KANSL1: variants seen among roughly 807,000 people sequenced by gnomAD.
KANSL1 encodes the protein KAT8 regulatory NSL complex subunit 1.
A neutral mutation model predicts 103.6 loss-of-function variants in KANSL1; 22 were observed. That is an observed-to-expected ratio of 0.21 (90% CI 0.15 to 0.30). The LOEUF is 0.30. Among genes scored for constraint, KANSL1 ranks in the 10% least tolerant of loss-of-function variants. The probability of loss-of-function intolerance (pLI) is 1.00; values close to 1 mark genes in which losing one functional copy is unlikely to be tolerated. For synonymous variants in KANSL1, 600 were observed against 527.6 expected, an observed-to-expected ratio of 1.14 and a Z score of -1.88; for missense variants, 1,337 against 1,399.8, an observed-to-expected ratio of 0.96 and a Z score of 0.72.
chr17:46,063,770 T>C (rs2078263386), intron 6 of KANSL1, among the ~76,000 whole-genome samples: 1 of 152,054 alleles, frequency 6.6e-6, no homozygotes, highest in Non-Finnish European at 1.5e-5. Flanking sequence ...CTTCACATAT[T>C]AAAAAACAAA....
chr17:46,050,588 C>T lies in KANSL1; in HGVS notation c.1965G>A (p.Leu655=). 1 of 1,614,176 alleles carries T rather than the reference C, an allele frequency of 6.2e-7. No individual in the cohort carries two copies. Among genetic ancestry groups the T allele is most frequent in the East Asian group, 2.2e-5 (1 of 44,880 alleles). The change falls in exon 7 of 15, where the codon TTG becomes TTA. Residue 655 remains leucine, a synonymous_variant. Transcript: ENST00000432791. The part of the protein sequence containing the change: ...PPEIHYEAPL[L]ERLSQLDSCV... ...AAGAGTCCAACTGGGAAAGACGTTC[C>T]AACAGAGGGGCTTCATAGTGAATTT...
At chr17:46,184,688 C>T (rs1179219208) in intron 1 of KANSL1, among the ~76,000 whole-genome samples, 1 of 152,194 alleles carries the variant, frequency 6.6e-6, no homozygotes, top group Non-Finnish European at 1.5e-5. Context: ...AGGTTACATG[C>T]TCTTTCAAGT....
intron 2 of KANSL1, among the ~76,000 whole-genome samples, chr17:46,134,528 G>T (rs1007290297): frequency 6.6e-6 from 1 of 151,956 alleles, no homozygotes; most frequent in African/African-American, 2.4e-5. Context: ...ACGAACTATT[G>T]TTATATGAAT....
At chr17:46,037,941 G>C (rs942100799) in intron 10 of KANSL1, 4 of 152,314 alleles carry the variant, frequency 2.6e-5, no homozygotes, top group African/African-American at 9.7e-5. Context: ...CGTAAAATCT[G>C]GTGTGTGCAT....
At chr17:46,100,460 A>AAAAAAAAAAAAC (rs2042262797) in intron 2 of KANSL1, among the ~76,000 whole-genome samples, 1 of 151,834 alleles carries the variant, frequency 6.6e-6, no homozygotes, top group Non-Finnish European at 1.5e-5. Flanking sequence ...AAAAAAAAAA[A>AAAAAAAAAAAAC]AGCGCCCTCT....
intron 2 of KANSL1, among the ~76,000 whole-genome samples, chr17:46,096,315 T>TTTC (rs1555760919): frequency 1.8e-4 from 13 of 70,782 alleles, no homozygotes; most frequent in Admixed American, 6.6e-4. Flanking sequence ...TTTTTTCTTT[T>TTTC]TTTTTTTTTT....
chr17:46,092,132 G>A (rs1187617484), intron 3 of KANSL1, among the ~76,000 whole-genome samples: 1 of 152,164 alleles, frequency 6.6e-6, no homozygotes, highest in Admixed American at 6.5e-5. Context: ...ACTGCGCACG[G>A]CCCTCAGCTT....
chr17:46,131,025 A>G (rs2043838629), intron 2 of KANSL1, among the ~76,000 whole-genome samples: 1 of 152,236 alleles, frequency 6.6e-6, no homozygotes, highest in South Asian at 2.1e-4. Flanking sequence ...TTTTTCAATT[A>G]CACTTTGAAA....
chr17:46,155,218 T>C (rs1168211688), intron 2 of KANSL1, among the ~76,000 whole-genome samples: 2 of 148,486 alleles, frequency 1.3e-5, no homozygotes, highest in Non-Finnish European at 1.5e-5. Context: ...GCTGTAGTGT[T>C]GCCATCTCGG....
chr17:46,215,554 A>T (rs1224792151), intron 1 of KANSL1, among the ~76,000 whole-genome samples: 1 of 152,230 alleles, frequency 6.6e-6, no homozygotes, highest in Non-Finnish European at 1.5e-5. Context: ...GGACTCAAAA[A>T]GGAGAAGTAG....
intron 2 of KANSL1, among the ~76,000 whole-genome samples, chr17:46,113,449 T>C (rs2042909013): frequency 6.6e-6 from 1 of 152,216 alleles, no homozygotes; most frequent in Non-Finnish European, 1.5e-5. Context: ...ACTAAGAGTA[T>C]GCAGCATGCA....
At chr17:46,224,402 T>C (rs2048620632), upstream of KANSL1, among the ~76,000 whole-genome samples, 2 of 151,224 alleles carry the variant, frequency 1.3e-5, no homozygotes, top group African/African-American at 4.8e-5. Flanking sequence ...GGTAGGATCC[T>C]CGTTCAAGTC....
At chr17:46,113,647 CAAAA>C (rs1023314070) in intron 2 of KANSL1, among the ~76,000 whole-genome samples, 2 of 149,164 alleles carry the variant, frequency 1.3e-5, no homozygotes, top group African/African-American at 4.9e-5. Context: ...AAAAAAAAAA[CAAAA>C]AAACCTACGA....
intron 2 of KANSL1, among the ~76,000 whole-genome samples, chr17:46,108,492 C>G (rs1207382348): frequency 6.6e-6 from 1 of 152,166 alleles, no homozygotes; most frequent in African/African-American, 2.4e-5. Flanking sequence ...ATTAATAGAA[C>G]CTTCATGAAA....
At chr17:46,036,124 G>C (rs779211849) in intron 10 of KANSL1, among the ~76,000 whole-genome samples, 4 of 151,618 alleles carry the variant, frequency 2.6e-5, no homozygotes, top group Non-Finnish European at 5.9e-5. Context: ...TCACTATGTT[G>C]TCCAGGCTGG....
chr17:46,187,457 T>G (rs963384781), intron 1 of KANSL1, among the ~76,000 whole-genome samples: 3 of 152,218 alleles, frequency 2.0e-5, no homozygotes, highest in Admixed American at 2.0e-4. Context: ...GAACCAGAGT[T>G]TTTAAAATAA....
intron 6 of KANSL1, among the ~76,000 whole-genome samples, chr17:46,053,917 GTTAAAA>G (rs2077820034): frequency 6.6e-6 from 1 of 152,094 alleles, no homozygotes; most frequent in South Asian, 2.1e-4. Flanking sequence ...ATTCATTTAA[GTTAAAA>G]AACAACAAGA....
chr17:46,153,915 C>G (rs1019174743), intron 2 of KANSL1, among the ~76,000 whole-genome samples: 2 of 152,152 alleles, frequency 1.3e-5, no homozygotes, highest in Non-Finnish European at 2.9e-5. Flanking sequence ...CACCAGATGC[C>G]TCGATATGTA....
intron 10 of KANSL1, chr17:46,037,846 C>A (rs2077194811): frequency 6.6e-6 from 1 of 152,186 alleles, no homozygotes; most frequent in African/African-American, 2.4e-5. Context: ...AGAGGGCACA[C>A]TTGAGGAATT....
Sources: gnomAD v4.1 joint callset for allele counts (sites outside exome capture counted in the v4.1 genomes callset) on GRCh38, gnomAD v4.1.1 for gene constraint, MANE v1.5 for transcripts, NCBI Gene and HGNC (gene_info 2026-07-23, HGNC 2026-07-21) for gene names.